The following NFIC variants were observed in gnomAD, a reference collection of about 807,000 sequenced individuals.
NFIC encodes the protein nuclear factor I C.
In NFIC, 12 loss-of-function variants were observed where a neutral mutation model predicts 54.4. The ratio of observed to expected loss-of-function variants is 0.22; its 90% CI spans 0.14 to 0.36. The LOEUF is 0.36. Among genes scored for constraint, NFIC ranks in the 10% least tolerant of loss-of-function variants. NFIC has a pLI of 1.00. For missense variants in NFIC, 575 were observed against 718.2 expected (o/e 0.80, Z 2.28); for synonymous variants, 322 against 319.2 (o/e 1.01, Z -0.09).
rs548337995 is a variant in NFIC at position 3,370,848 on chromosome 19, TCTCCTGCCTGTGTCCACGCCGAC to T, written c.30+4186_30+4208del. Among the ~76,000 whole-genome samples the T allele has an allele frequency of 5.3e-4, 80 of 152,022 alleles. No individual in the cohort carries two copies. The highest frequency in any genetic ancestry group is 1.2e-3 in the Admixed American group (18 of 15,286). Reference sequence around the variant, plus strand: ...GCCCCGGACACGGCCCGCCCCCCACTCTCCTGCCTGTGTCCACGCCGACCTCACCTGGGTGCCCATCTGCCCTG... The same window carrying T: ...GCCCCGGACACGGCCCGCCCCCCACTCTCACCTGGGTGCCCATCTGCCCTG... On this transcript the variant is annotated intron_variant, in intron 1 of 10. Transcript: ENST00000443272. This position sits in a 1 kb window ranked among gnomAD's most constrained non-coding sequence, Gnocchi z 5.2.
intron 2 of NFIC, among the ~76,000 whole-genome samples, chr19:3,403,837 G>A (rs1278594931): frequency 4.2e-5 from 6 of 143,004 alleles, no homozygotes; most frequent in South Asian, 5.0e-4. Context: ...ACCCCCCGCC[G>A]CGCCCGGCTG....
rs2082662069 is a variant in NFIC, at chr19:3,462,888, A to C, written c.*119A>C. ...AGAGTGAACAAGAACACCCCTGCCG[A>C]CTCCCAGCCCGGCCAAAAAGACAAA... On this transcript the variant is annotated 3_prime_UTR_variant, in exon 11 of 11. Transcript: ENST00000443272. 3 of 1,567,904 alleles carry C rather than the reference A, an allele frequency of 1.9e-6. No homozygotes were observed. Among genetic ancestry groups the C allele is most frequent in the African/African-American group, 2.7e-5 (2 of 73,056 alleles).
intron 2 of NFIC, among the ~76,000 whole-genome samples, chr19:3,407,166 T>C (rs1218634861): frequency 6.6e-6 from 1 of 151,952 alleles, no homozygotes; most frequent in African/African-American, 2.4e-5. Flanking sequence ...CAGGCTGGAG[T>C]GCAGTGGTGC....
At chr19:3,395,649 A>G (rs2081450299) in intron 2 of NFIC, among the ~76,000 whole-genome samples, 1 of 151,790 alleles carries the variant, frequency 6.6e-6, no homozygotes, top group Non-Finnish European at 1.5e-5. Flanking sequence ...GGCGTGCACC[A>G]CTACGCCTGG....
Position 3,445,247 on chromosome 19 carries a change from C to T in NFIC, c.959-3767C>T, listed in dbSNP as rs551288970. 5.3e-5 allele frequency among the ~76,000 whole-genome samples: 8 copies of T among 152,336 alleles called. No individual in the cohort carries two copies. The East Asian group carries it at 9.7e-4, about 18-fold the overall frequency. On this transcript the variant is annotated intron_variant, in intron 6 of 10. Coordinates refer to ENST00000443272, the MANE Select transcript of NFIC (RefSeq NM_001245002.2). Reference sequence around the variant, plus strand: ...GGCATACACATGCACACACACGTGCCGACAAGACCAGCCTGGCCTCCCCGG... The same window carrying T: ...GGCATACACATGCACACACACGTGCTGACAAGACCAGCCTGGCCTCCCCGG...
At position 3,463,599 on chromosome 19, in the gene NFIC, G is replaced by A; in HGVS notation, c.*830G>A. The A allele has an allele frequency of 2.0e-6, 2 of 985,128 alleles. No individual in the cohort carries two copies. The highest frequency in any genetic ancestry group is 9.4e-5 in the South Asian group (2 of 21,280). The allele number at this position is 985,128 out of a possible 1,614,324, so 61.0% of individuals were successfully genotyped here. A position where few individuals can be genotyped will look rare whatever the true frequency, so the allele number is the denominator to read the frequency against. On this transcript the variant is annotated 3_prime_UTR_variant, in exon 11 of 11. Coordinates refer to ENST00000443272, the MANE Select transcript of NFIC (RefSeq NM_001245002.2). ...CGCGCCCGCCCGTTTGGGAGGAGAAGTCTCTATGCAATTGGCCCCGGCCCC... is the reference window on the plus strand; with the variant it reads ...CGCGCCCGCCCGTTTGGGAGGAGAAATCTCTATGCAATTGGCCCCGGCCCC...
In NFIC at chr19:3,464,441, C is replaced by G. The variant is rs2082688570; in HGVS notation, c.*1672C>G. ...CCTATCCACACCTCCACCCCCACCCCAGGATCGCCATCTTTAGGGGAGGCC... is the reference window on the plus strand; with the variant it reads ...CCTATCCACACCTCCACCCCCACCCGAGGATCGCCATCTTTAGGGGAGGCC... On this transcript the variant is annotated 3_prime_UTR_variant, in exon 11 of 11. Transcript: ENST00000443272. The G allele has an allele frequency of 1.0e-6, 1 of 984,844 alleles. No homozygotes were observed. Among genetic ancestry groups the G allele is most frequent in the East Asian group, 1.1e-4 (1 of 8,778 alleles). 61.0% of individuals were successfully genotyped at this position (984,844 alleles called of 1,614,324 possible).
At chr19:3,396,631 T>C (rs544632949) in intron 2 of NFIC, among the ~76,000 whole-genome samples, 1 of 152,026 alleles carries the variant, frequency 6.6e-6, no homozygotes, top group Non-Finnish European at 1.5e-5. Flanking sequence ...CGGCCGCTCG[T>C]AGCCCAGAGC....
chr19:3,456,532 T>A lies in NFIC; in HGVS notation c.1424-18T>A. ...CAACCCCTCGCTAACGGGCTCTCGG[T>A]CTCTCTCCTCCCTGCAGCCTACTCT... is the stretch of plus-strand genomic sequence containing the variant. On this transcript the variant is annotated intron_variant, in intron 9 of 10. Coordinates refer to ENST00000443272, the MANE Select transcript of NFIC (RefSeq NM_001245002.2). 1 of 1,550,800 alleles carries A rather than the reference T, an allele frequency of 6.4e-7. No individual in the cohort carries two copies.
rs568058946 is a variant in NFIC at position 3,453,934 on chromosome 19, G to A, written c.1423+18G>A. ...CTCGCCTTGTAAGCACGCGGGAAGC[G>A]GTGCCCTGGTGGGGCGGATGTCCGC... On this transcript the variant is annotated intron_variant, in intron 9 of 10. Coordinates refer to ENST00000443272, the MANE Select transcript of NFIC (RefSeq NM_001245002.2). This position sits in a 1 kb window ranked among gnomAD's most constrained non-coding sequence, Gnocchi z 6.7. 25 of 1,510,594 alleles carry A rather than the reference G, an allele frequency of 1.7e-5. No homozygotes were observed. Among genetic ancestry groups the A allele is most frequent in the Middle Eastern group, 1.8e-4 (1 of 5,646 alleles). 93.6% of individuals were successfully genotyped at this position (1,510,594 alleles called of 1,614,324 possible).
At chr19:3,409,239 C>T (rs8109385) in intron 2 of NFIC, among the ~76,000 whole-genome samples, 1,606 of 152,240 alleles carry the variant, frequency 0.011, 27 homozygotes, top group African/African-American at 0.034. Context: ...CATTCCTGCC[C>T]CGTGGACCTT....
At position 3,452,387 on chromosome 19, in the gene NFIC, C is replaced by A; in HGVS notation, c.1085-95C>A. On this transcript the variant is annotated intron_variant, in intron 7 of 10. Transcript: ENST00000443272. The surrounding 1 kb of genome is among the most constrained non-coding windows in gnomAD (Gnocchi z 5.3). ...ATTGTTACTAAACGCACTGAGATGCCGGCAGGAATGACACCCACAGACACA... is the reference window on the plus strand; with the variant it reads ...ATTGTTACTAAACGCACTGAGATGCAGGCAGGAATGACACCCACAGACACA... 3 of 1,483,716 alleles carry A rather than the reference C, an allele frequency of 2.0e-6. No homozygotes were observed. 91.9% of individuals were successfully genotyped at this position (1,483,716 alleles called of 1,614,324 possible). A position where few individuals can be genotyped will look rare whatever the true frequency, so the allele number is the denominator to read the frequency against.
chr19:3,454,208 C>A, intron 9 of NFIC: 1 of 1,224,538 alleles, frequency 8.2e-7, no homozygotes, highest in East Asian at 3.6e-5. Context: ...CAGAAACCCT[C>A]CCTGGTATGT....
intron 3 of NFIC, among the ~76,000 whole-genome samples, chr19:3,428,187 A>G (rs1453186700): frequency 1.3e-5 from 2 of 149,966 alleles, no homozygotes; most frequent in East Asian, 3.9e-4. Flanking sequence ...AAAAAAAAAG[A>G]AAAGAAAAGA....
At chr19:3,449,191 C>T (rs1466568818) in intron 7 of NFIC, 52 bp downstream of exon 7, 3 of 1,576,972 alleles carry the variant, frequency 1.9e-6, no homozygotes, top group African/African-American at 1.4e-5. Flanking sequence ...TCCTATCAGG[C>T]CTCTCACAGC....
intron 10 of NFIC, among the ~76,000 whole-genome samples, chr19:3,461,593 C>T (rs528348778): frequency 1.7e-3 from 252 of 151,738 alleles, no homozygotes; most frequent in African/African-American, 5.3e-3. Flanking sequence ...TGTGGTGGGG[C>T]GGGCCTGTAA....
At chr19:3,386,757 C>T (rs886075794) in intron 2 of NFIC, among the ~76,000 whole-genome samples, 4 of 152,210 alleles carry the variant, frequency 2.6e-5, no homozygotes, top group African/African-American at 9.6e-5. Context: ...GTCCTTGACA[C>T]CTGCCTCATC....
intron 1 of NFIC, among the ~76,000 whole-genome samples, chr19:3,380,585 T>C (rs1026195486): frequency 6.7e-6 from 1 of 148,266 alleles, no homozygotes; most frequent in Non-Finnish European, 1.5e-5. Flanking sequence ...TGCTTCGGTC[T>C]CCCAAAGTGC....
At chr19:3,442,605 T>G (rs923704204) in intron 6 of NFIC, among the ~76,000 whole-genome samples, 1 of 152,078 alleles carries the variant, frequency 6.6e-6, no homozygotes, top group Non-Finnish European at 1.5e-5. Context: ...CAGGCTGGTC[T>G]CAAACTCCTG....
Sources: allele counts gnomAD v4.1 joint callset (sites outside exome capture counted in the v4.1 genomes callset), GRCh38; gene constraint gnomAD v4.1.1; non-coding constraint Gnocchi (gnomAD v3.1); transcripts MANE v1.5; gene names NCBI Gene and HGNC (gene_info 2026-07-23, HGNC 2026-07-21).